ERLIN1: variants seen among roughly 807,000 people sequenced by gnomAD.
ERLIN1 encodes the protein ER lipid raft associated 1, also known as erlin-1.
A neutral mutation model predicts 46.9 loss-of-function variants in ERLIN1; 24 were observed. The ratio of observed to expected loss-of-function variants is 0.51; its 90% CI spans 0.37 to 0.72. ERLIN1 has a LOEUF of 0.72. ERLIN1 is among the 30% of genes least tolerant of loss of function. ERLIN1 has a pLI of 0.00. For missense variants in ERLIN1, 293 were observed against 417.9 expected, an observed-to-expected ratio of 0.70 and a Z score of 2.61; for synonymous variants, 158 against 143.2, an observed-to-expected ratio of 1.10 and a Z score of -0.74.
At chr10:100,178,942 T>C (rs1362848928) in intron 3 of ERLIN1, among the ~76,000 whole-genome samples, 1 of 152,096 alleles carries the variant, frequency 6.6e-6, no homozygotes, top group Non-Finnish European at 1.5e-5. Context: ...ATAAAGCAGA[T>C]GCAGCAGTGC....
At chr10:100,154,988 A>C in intron 9 of ERLIN1, 49 bp from the exon 10 acceptor site, 1 of 1,468,148 alleles carries the variant, frequency 6.8e-7, no homozygotes, top group Non-Finnish European at 9.5e-7. Flanking sequence ...TCAGCTAGTT[A>C]AGAGTCCCTT....
At chr10:100,180,234 T>C (rs1270048774) in intron 2 of ERLIN1, among the ~76,000 whole-genome samples, 1 of 152,132 alleles carries the variant, frequency 6.6e-6, no homozygotes, top group Non-Finnish European at 1.5e-5. Context: ...AGGCCTCAAA[T>C]AGGTCAGCAC....
intron 6 of ERLIN1, among the ~76,000 whole-genome samples, chr10:100,173,885 A>T (rs1450682335): frequency 1.3e-5 from 2 of 152,166 alleles, no homozygotes; most frequent in Non-Finnish European, 2.9e-5. Context: ...CCCTTTTCAT[A>T]ATCTTACTGA....
chr10:100,164,069 A>G lies in ERLIN1; in HGVS notation c.590T>C (p.Ile197Thr). 2 of 1,613,220 alleles carry G rather than the reference A, an allele frequency of 1.2e-6. No individual in the cohort carries two copies. The highest frequency in any genetic ancestry group is 1.7e-6 in the Non-Finnish European group (2 of 1,179,512). ...LMEAEKTKLL[I>T]AAQKQKVVEK... is the part of the protein sequence containing the mutation. ...CACAACCTTTTGTTTCTGTGCAGCT[A>G]TAAGGAGTTTTGTCTTCTCAGCCTC... Residue 197 changes from isoleucine (I) to threonine (T), a missense_variant, in exon 8 of 11, where the codon ATA becomes ACA. Around this residue, in one of 3 missense-constraint regions of ERLIN1, gnomAD observed 148 missense variants for 266.5 expected, o/e 0.56. Coordinates refer to ENST00000421367, the MANE Select transcript of ERLIN1 (RefSeq NM_006459.4).
chr10:100,176,508 G>A (rs1036975872), intron 4 of ERLIN1, among the ~76,000 whole-genome samples: 3 of 152,142 alleles, frequency 2.0e-5, no homozygotes, highest in Admixed American at 2.0e-4. Flanking sequence ...AGAGAGACTA[G>A]GCAAACTGAG....
rs180878108 is a variant in ERLIN1, at chr10:100,158,806, G to A, written c.656-2572C>T. 3.3e-4 allele frequency among the ~76,000 whole-genome samples: 50 copies of A among 152,254 alleles called. 2 individuals carry two copies. In the East Asian group the frequency reaches 9.3e-3, roughly 28 times the overall value. Reference sequence around the variant, plus strand: ...TAGTTATACATTCCAGCAATGGAATGTAAAACTTCCAATCAAGTAAAAGGA... The same window carrying A: ...TAGTTATACATTCCAGCAATGGAATATAAAACTTCCAATCAAGTAAAAGGA... On this transcript the variant is annotated intron_variant, in intron 8 of 10. Transcript: ENST00000421367.
Position 100,169,861 on chromosome 10 carries a change from TA to T in ERLIN1, c.505-2456del, listed in dbSNP as rs562824659. On this transcript the variant is annotated intron_variant, in intron 6 of 10. Transcript: ENST00000421367. ...GGCAAAGGCCCATCTCTACAAAAAA[TA>T]AAAAAATTAGCCAGATGTGGGGGTG... Among the ~76,000 whole-genome samples the T allele has an allele frequency of 2.0e-3, 307 of 151,872 alleles. 2 individuals carry two copies. The highest frequency in any genetic ancestry group is 5.6e-3 in the Admixed American group (85 of 15,252).
chr10:100,162,377 A>C (rs553802702), intron 8 of ERLIN1, among the ~76,000 whole-genome samples: 1 of 152,344 alleles, frequency 6.6e-6, no homozygotes, highest in African/African-American at 2.4e-5. Flanking sequence ...TTTAAGTCTG[A>C]TAACTCCAAG....
intron 10 of ERLIN1, among the ~76,000 whole-genome samples, chr10:100,154,117 T>C (rs543348408): frequency 1.3e-5 from 2 of 152,314 alleles, no homozygotes; most frequent in South Asian, 4.1e-4. Context: ...GATAACCTTA[T>C]AAATCTTGGA....
intron 2 of ERLIN1, among the ~76,000 whole-genome samples, chr10:100,182,630 T>C (rs1259251604): frequency 1.3e-5 from 2 of 152,162 alleles, no homozygotes; most frequent in Non-Finnish European, 2.9e-5. Flanking sequence ...ACTGGAGCCT[T>C]TCTGGAAAGA....
chr10:100,163,873 G>A (rs567546666), intron 8 of ERLIN1, 131 bp downstream of exon 8: 1 of 630,394 alleles, frequency 1.6e-6, no homozygotes, highest in East Asian at 2.8e-5. Flanking sequence ...TGAATGTACA[G>A]TGGAGATTCC....
intron 1 of ERLIN1, 41 bp downstream of exon 1, chr10:100,185,473 A>C (rs1351114623): frequency 6.8e-7 from 1 of 1,470,378 alleles, no homozygotes; most frequent in African/African-American, 1.4e-5. Context: ...GTACCCTTTT[A>C]ATCTGCTCTA....
At chr10:100,177,946 C>T (rs1198061303) in intron 4 of ERLIN1, among the ~76,000 whole-genome samples, 187 bp downstream of exon 4, 1 of 152,184 alleles carries the variant, frequency 6.6e-6, no homozygotes, top group African/African-American at 2.4e-5. Flanking sequence ...GTAACTCATA[C>T]AGTTGCAGAA....
intron 5 of ERLIN1, 133 bp from the exon 6 acceptor site, chr10:100,174,414 C>T: frequency 1.7e-6 from 1 of 601,174 alleles, no homozygotes. Flanking sequence ...GCTTAAACTG[C>T]CTTTTCTTCC....
intron 6 of ERLIN1, among the ~76,000 whole-genome samples, chr10:100,170,943 G>A (rs1050060740): frequency 1.3e-5 from 2 of 152,186 alleles, no homozygotes; most frequent in Non-Finnish European, 2.9e-5. Flanking sequence ...TTTCAAAGAA[G>A]GGGGAAGATG....
At chr10:100,173,252 T>C (rs551799336) in intron 6 of ERLIN1, among the ~76,000 whole-genome samples, 4 of 152,278 alleles carry the variant, frequency 2.6e-5, no homozygotes, top group African/African-American at 9.6e-5. Flanking sequence ...AACAATCAAC[T>C]GGTCTCCTAG....
In ERLIN1 at chr10:100,155,577, G is replaced by A. The variant is rs1420759162; in HGVS notation, c.745+568C>T. 7.9e-5 allele frequency among the ~76,000 whole-genome samples: 12 copies of A among 151,820 alleles called. No individual in the cohort carries two copies. The South Asian group carries it at 2.5e-3, about 32-fold the overall frequency. The stretch of plus-strand genomic sequence containing the variant: ...TCGCCCAGGCTGGAGTGCAGTGGCG[G>A]GATCTCGGCTCACTGCAAGCTCCGC... On this transcript the variant is annotated intron_variant, in intron 9 of 10. Coordinates refer to ENST00000421367, the MANE Select transcript of ERLIN1 (RefSeq NM_006459.4).
chr10:100,161,778 T>C (rs1564802393), intron 8 of ERLIN1, among the ~76,000 whole-genome samples: 1 of 152,126 alleles, frequency 6.6e-6, no homozygotes, highest in South Asian at 2.1e-4. Flanking sequence ...AAATTATGTA[T>C]AGTATCTTAT....
At chr10:100,177,478 T>A (rs1210192180) in intron 4 of ERLIN1, among the ~76,000 whole-genome samples, 2 of 152,218 alleles carry the variant, frequency 1.3e-5, no homozygotes, top group African/African-American at 2.4e-5. Flanking sequence ...AGCTCTGTAT[T>A]ATGTCTTCTC....
Sources: allele counts gnomAD v4.1 joint callset (sites outside exome capture counted in the v4.1 genomes callset), GRCh38; gene constraint gnomAD v4.1.1; regional missense constraint gnomAD v4.1.1; transcripts MANE v1.5; gene names NCBI Gene and HGNC (gene_info 2026-07-23, HGNC 2026-07-21).